The following RIGI variants were observed in gnomAD, a reference collection of about 807,000 sequenced individuals.
The protein encoded by RIGI is antiviral innate immune response receptor RIG-I.
At chr9:32,459,340 T>C in the RIGI span, 5 of 1,606,180 alleles carry the variant, frequency 3.1e-6, no homozygotes, top group East Asian at 2.2e-5. Context: ...TGCTAAAACA[T>C]GACCAGGCAC....
chr9:32,494,464 A>G, the RIGI span, among the ~76,000 whole-genome samples: 1 of 152,208 alleles, frequency 6.6e-6, no homozygotes. Context: ...TCATATTTAG[A>G]AAGTTCAGAG....
chr9:32,485,251 G>C, the RIGI span: 1 of 1,602,352 alleles, frequency 6.2e-7, no homozygotes, highest in Non-Finnish European at 8.5e-7. Flanking sequence ...TAAATTTGTC[G>C]CTAATCCGTG....
the RIGI span, among the ~76,000 whole-genome samples, chr9:32,504,830 AAATATATAAAATATATTTAAT>A: frequency 1.5e-5 from 2 of 137,588 alleles, no homozygotes; most frequent in Admixed American, 7.8e-5. Context: ...TTAATACATA[AAATATATAAAATATATTTAAT>A]ACATAAAATA....
the RIGI span, chr9:32,480,392 G>A: frequency 3.9e-6 from 6 of 1,536,940 alleles, no homozygotes; most frequent in South Asian, 1.2e-5. Context: ...TGCTTCCAAT[G>A]TCTAACACAT....
the RIGI span, chr9:32,473,025 A>C: frequency 6.2e-7 from 1 of 1,611,458 alleles, no homozygotes; most frequent in African/African-American, 1.3e-5. Context: ...AGGTTTTAGA[A>C]AACTGAGTTT....
chr9:32,497,469 T>C, the RIGI span, among the ~76,000 whole-genome samples: 1 of 152,186 alleles, frequency 6.6e-6, no homozygotes, highest in Non-Finnish European at 1.5e-5. Flanking sequence ...TGCCATCGGC[T>C]GGGCGCAGTG....
the RIGI span, chr9:32,487,439 A>C: frequency 6.2e-7 from 1 of 1,607,940 alleles, no homozygotes; most frequent in African/African-American, 1.3e-5. Context: ...GAGTAACAGA[A>C]TCTCAAAGGC....
chr9:32,498,683 T>G, the RIGI span, among the ~76,000 whole-genome samples: 1 of 152,100 alleles, frequency 6.6e-6, no homozygotes, highest in African/African-American at 2.4e-5. Flanking sequence ...CTATCCAACT[T>G]AAGAACCACC....
chr9:32,466,249 G>T, the RIGI span: 1 of 1,602,798 alleles, frequency 6.2e-7, no homozygotes. Flanking sequence ...TTCCCTGATA[G>T]TTATTTATGG....
At chr9:32,486,453 C>CAAA in the RIGI span, among the ~76,000 whole-genome samples, 58 of 60,442 alleles carry the variant, frequency 9.6e-4, 1 homozygote, top group African/African-American at 1.8e-3. Flanking sequence ...GACTCTGTCT[C>CAAA]AAAAAAAAAA....
At chr9:32,478,934 T>C in the RIGI span, among the ~76,000 whole-genome samples, 1 of 152,182 alleles carries the variant, frequency 6.6e-6, no homozygotes, top group Non-Finnish European at 1.5e-5. Context: ...GCTATTACAT[T>C]GAATAGCACA....
the RIGI span, among the ~76,000 whole-genome samples, chr9:32,496,792 T>C: frequency 6.6e-6 from 1 of 152,248 alleles, no homozygotes; most frequent in Non-Finnish European, 1.5e-5. Flanking sequence ...CTTTTGCATA[T>C]GGATATCCAG....
At chr9:32,467,547 A>C in the RIGI span, among the ~76,000 whole-genome samples, 1 of 152,214 alleles carries the variant, frequency 6.6e-6, no homozygotes, top group Non-Finnish European at 1.5e-5. Context: ...AGTCAATGCC[A>C]GGCAAGTGAG....
the RIGI span, among the ~76,000 whole-genome samples, chr9:32,473,615 A>G: frequency 2.0e-5 from 3 of 152,184 alleles, no homozygotes; most frequent in Non-Finnish European, 4.4e-5. Flanking sequence ...AGAAAAAACA[A>G]AAGTTCAAAA....
At chr9:32,455,984 G>A in the RIGI span, 2 of 152,134 alleles carry the variant, frequency 1.3e-5, no homozygotes, top group South Asian at 4.1e-4. Context: ...TGATCTCCAG[G>A]GAACTCAGAT....
the RIGI span, among the ~76,000 whole-genome samples, chr9:32,519,002 G>A: frequency 1.3e-5 from 2 of 152,110 alleles, no homozygotes; most frequent in South Asian, 2.1e-4. Context: ...GAGCCACCAC[G>A]CCCAGCCTAA....
At chr9:32,462,489 A>C in the RIGI span, among the ~76,000 whole-genome samples, 1 of 146,566 alleles carries the variant, frequency 6.8e-6, no homozygotes, top group Admixed American at 7.0e-5. Context: ...GCTCACTGCA[A>C]CTTCCAGCTC....
the RIGI span, among the ~76,000 whole-genome samples, chr9:32,499,311 G>GTTTTTTTTTTTTTTTTTTTTTTTTTTT: frequency 1.2e-5 from 1 of 81,134 alleles, no homozygotes. Context: ...CAGAGTTTGT[G>GTTTTTTTTTTTTTTTTTTTTTTTTTTT]ATTTGTTTTT....
chr9:32,495,452 C>T, the RIGI span, among the ~76,000 whole-genome samples: 157 of 152,118 alleles, frequency 1.0e-3, 1 homozygote, highest in African/African-American at 3.7e-3. Flanking sequence ...CCACCCGCCT[C>T]GGCCTTCCAA....
Sources: allele counts gnomAD v4.1 joint callset (sites outside exome capture counted in the v4.1 genomes callset), GRCh38; gene constraint gnomAD v4.1.1; transcripts MANE v1.5; gene names NCBI Gene and HGNC (gene_info 2026-07-23, HGNC 2026-07-21).